Variants in TENM2 observed in about 807,000 individuals in gnomAD.
The protein encoded by TENM2 is teneurin-2.
Under a neutral mutation model 245.2 loss-of-function variants are expected in TENM2, and 52 were observed. The observed-to-expected ratio is 0.21, with a 90% confidence interval of 0.17 to 0.27. The LOEUF (loss-of-function observed/expected upper bound fraction) is 0.27. TENM2 is among the 10% of genes least tolerant of loss of function. The pLI, the probability that TENM2 is intolerant of heterozygous loss-of-function variation, is 1.00. For synonymous variants in TENM2, 1,363 were observed against 1,438.9 expected (o/e 0.95, Z 1.19); for missense variants, 3,046 against 3,666.8 (o/e 0.83, Z 4.37).
the TENM2 span, among the ~76,000 whole-genome samples, chr5:167,221,139 T>TA: frequency 6.6e-6 from 1 of 152,094 alleles, no homozygotes. Flanking sequence ...TATCAAACAC[T>TA]TTATAAGGGT....
At chr5:168,028,320 T>A (rs929039489) in intron 5 of TENM2, among the ~76,000 whole-genome samples, 2 of 152,182 alleles carry the variant, frequency 1.3e-5, no homozygotes, top group South Asian at 2.1e-4. Flanking sequence ...CCATATGCTT[T>A]ACACACGAGA....
chr5:167,605,326 G>A (rs1776953506), intron 2 of TENM2, among the ~76,000 whole-genome samples: 1 of 152,210 alleles, frequency 6.6e-6, no homozygotes, highest in South Asian at 2.1e-4. Flanking sequence ...TAAGAACCTA[G>A]TATGAATCAG....
chr5:167,975,530 C>G (rs774276965), intron 4 of TENM2, among the ~76,000 whole-genome samples: 27 of 151,588 alleles, frequency 1.8e-4, no homozygotes, highest in Non-Finnish European at 2.9e-4. Flanking sequence ...CCTACAAACA[C>G]ACTTAAATGG....
At chr5:167,152,919 G>A in the TENM2 span, among the ~76,000 whole-genome samples, 5,149 of 152,190 alleles carry the variant, frequency 0.034, 318 homozygotes, top group African/African-American at 0.11. Flanking sequence ...GTAACTGAAA[G>A]CATGGGAAGT....
intron 3 of TENM2, among the ~76,000 whole-genome samples, chr5:167,879,437 A>G (rs2151400568): frequency 6.6e-6 from 1 of 152,244 alleles, no homozygotes; most frequent in South Asian, 2.1e-4. Context: ...GTTGCTCCAG[A>G]TATGTTTCTT....
At chr5:167,271,335 G>A in the TENM2 span, among the ~76,000 whole-genome samples, 4 of 152,218 alleles carry the variant, frequency 2.6e-5, no homozygotes, top group African/African-American at 7.2e-5. Flanking sequence ...TGCATGTGGG[G>A]AAGGTGGAGC....
chr5:167,483,002 A>G (rs2127531385), intron 2 of TENM2, among the ~76,000 whole-genome samples: 1 of 152,332 alleles, frequency 6.6e-6, no homozygotes, highest in East Asian at 1.9e-4. Flanking sequence ...TTCACTTTTC[A>G]AAATATCAGA....
chr5:167,531,048 A>T (rs535669945), intron 2 of TENM2, among the ~76,000 whole-genome samples: 86 of 152,298 alleles, frequency 5.6e-4, no homozygotes, highest in African/African-American at 2.0e-3. Context: ...CCTTCAAATG[A>T]ATGACACCGG....
At chr5:167,174,343 G>A in the TENM2 span, among the ~76,000 whole-genome samples, 1 of 152,086 alleles carries the variant, frequency 6.6e-6, no homozygotes, top group Non-Finnish European at 1.5e-5. Flanking sequence ...CCTGTCACAC[G>A]AAGCAAATAC....
intron 5 of TENM2, among the ~76,000 whole-genome samples, chr5:168,036,178 G>C (rs937097200): frequency 2.6e-5 from 4 of 151,998 alleles, no homozygotes; most frequent in Admixed American, 6.6e-5. Flanking sequence ...AGGAGGAGGG[G>C]GACACATAAT....
the TENM2 span, among the ~76,000 whole-genome samples, chr5:167,194,594 G>A: frequency 6.6e-6 from 1 of 152,122 alleles, no homozygotes; most frequent in East Asian, 1.9e-4. Context: ...ATTAGGTTTT[G>A]AGTCAGGGAT....
chr5:168,245,571 G>GTA (rs1330777551), intron 26 of TENM2, among the ~76,000 whole-genome samples: 2,348 of 110,152 alleles, frequency 0.021, 55 homozygotes, highest in African/African-American at 0.067. Flanking sequence ...TGGAGTGGCG[G>GTA]TAAAAAAAAA....
chr5:167,608,941 C>A (rs1482178247), intron 2 of TENM2, among the ~76,000 whole-genome samples: 2 of 151,854 alleles, frequency 1.3e-5, no homozygotes. Context: ...AAGGCAATAG[C>A]AAGTTTTTCA....
chr5:167,965,983 G>C (rs969173882), intron 4 of TENM2, among the ~76,000 whole-genome samples: 1 of 152,166 alleles, frequency 6.6e-6, no homozygotes, highest in East Asian at 1.9e-4. Context: ...ATGAAATGAA[G>C]TCAATGCATT....
At chr5:167,623,997 T>A (rs1778344370) in intron 2 of TENM2, among the ~76,000 whole-genome samples, 1 of 152,166 alleles carries the variant, frequency 6.6e-6, no homozygotes, top group Non-Finnish European at 1.5e-5. Flanking sequence ...TTATCCACTG[T>A]GGAAAGCAAT....
chr5:167,604,374 C>T (rs548937514), intron 2 of TENM2, among the ~76,000 whole-genome samples: 4 of 152,134 alleles, frequency 2.6e-5, no homozygotes, highest in Non-Finnish European at 4.4e-5. Flanking sequence ...ATTGATGAAA[C>T]GGGGCAGTGG....
the TENM2 span, among the ~76,000 whole-genome samples, chr5:167,228,891 G>T: frequency 6.6e-6 from 1 of 152,062 alleles, no homozygotes. Flanking sequence ...TTTTAGTAGA[G>T]ACGGGGTTTC....
intron 2 of TENM2, among the ~76,000 whole-genome samples, chr5:167,492,869 C>G (rs1184109205): frequency 6.6e-6 from 1 of 151,830 alleles, no homozygotes; most frequent in Non-Finnish European, 1.5e-5. Context: ...AATGGCTCAC[C>G]CTGAAATTCA....
intron 2 of TENM2, among the ~76,000 whole-genome samples, chr5:167,414,585 C>A (rs1374552175): frequency 1.3e-5 from 2 of 151,938 alleles, no homozygotes. Context: ...GAGAGAGCAC[C>A]CACTTCTCAG....
Sources: gnomAD v4.1 joint callset for allele counts (sites outside exome capture counted in the v4.1 genomes callset) on GRCh38, gnomAD v4.1.1 for gene constraint, MANE v1.5 for transcripts, NCBI Gene and HGNC (gene_info 2026-07-23, HGNC 2026-07-21) for gene names.